The following CFTR variants were observed in gnomAD, a reference collection of about 807,000 sequenced individuals.
CFTR encodes the protein cystic fibrosis transmembrane conductance regulator.
In CFTR, 181 loss-of-function variants were observed where a neutral mutation model predicts 171.6. That is an observed-to-expected ratio of 1.05 (90% confidence interval 0.93 to 1.19). The LOEUF (loss-of-function observed/expected upper bound fraction) is 1.19. CFTR is among the 50% of genes most tolerant of loss of function. CFTR has a pLI of 0.00. For missense variants in CFTR, 1,968 were observed against 1,734.7 expected (o/e 1.13, Z -2.39); for synonymous variants, 583 against 608.0 (o/e 0.96, Z 0.60).
chr7:117,536,962 A>C (rs1798969382), intron 7 of CFTR, among the ~76,000 whole-genome samples: 2 of 152,220 alleles, frequency 1.3e-5, no homozygotes, highest in African/African-American at 4.8e-5. Context: ...TTATTTCGTT[A>C]AAACAATTAT....
chr7:117,528,451 G>A (rs1271459836), intron 3 of CFTR, among the ~76,000 whole-genome samples: 1 of 120,030 alleles, frequency 8.3e-6, no homozygotes, highest in Non-Finnish European at 1.8e-5. Flanking sequence ...GGACATAGGC[G>A]TGGGCAAGGA....
At position 117,548,736 on chromosome 7, in the gene CFTR, T is replaced by C. The variant is rs1413600554; in HGVS notation, c.1305T>C (p.Leu435=). The change falls in exon 10 of 27, where the codon CTT becomes CTC. Residue 435 remains leucine, a synonymous_variant. Transcript: ENST00000003084. The stretch of plus-strand genomic sequence containing the variant: ...GCCTCTTCTTCAGTAATTTCTCACT[T>C]CTTGGTACTCCTGTCCTGAAAGATA... ...DDSLFFSNFS[L]LGTPVLKDIN... The C allele has an allele frequency of 6.2e-6, 10 of 1,613,226 alleles. 1 individual carries two copies. In the South Asian group the frequency reaches 1.1e-4, roughly 18 times the overall value.
At chr7:117,531,697 A>G (rs536761425) in intron 4 of CFTR, among the ~76,000 whole-genome samples, 1 of 152,280 alleles carries the variant, frequency 6.6e-6, no homozygotes, top group South Asian at 2.1e-4. Context: ...ACAAGAGACC[A>G]AATTGCCGAG....
In CFTR at chr7:117,592,169, C is replaced by T. The variant is rs1800100; in HGVS notation, c.2002C>T (p.Arg668Cys). ...TTCAATCCTAACTGAGACCTTACACCGTTTCTCATTAGAAGGAGATGCTCC... is the reference window on the plus strand; with the variant it reads ...TTCAATCCTAACTGAGACCTTACACTGTTTCTCATTAGAAGGAGATGCTCC... ...RNSILTETLH[R>C]FSLEGDAPVS... Residue 668 changes from arginine (R) to cysteine (C), a missense_variant, in exon 14 of 27, where the codon CGT becomes TGT. Arg to Cys is a radical substitution (Grantham distance 180). Transcript: ENST00000003084. The T allele has an allele frequency of 8.2e-3, 13,272 of 1,613,866 alleles. 60 individuals carry two copies. Among genetic ancestry groups the T allele is most frequent in the Non-Finnish European group, 0.01 (11,807 of 1,179,958 alleles).
At chr7:117,663,812 A>T (rs1316727417) in intron 24 of CFTR, among the ~76,000 whole-genome samples, 1 of 152,188 alleles carries the variant, frequency 6.6e-6, no homozygotes, top group African/African-American at 2.4e-5. Context: ...TACACTCAGG[A>T]GTACTTGCCA....
intron 11 of CFTR, among the ~76,000 whole-genome samples, chr7:117,574,808 G>A (rs1562903093): frequency 6.6e-6 from 1 of 151,946 alleles, no homozygotes; most frequent in Admixed American, 6.6e-5. Context: ...ATATTTAGTA[G>A]CTTTTTTGTG....
At chr7:117,579,244 T>A (rs1328873505) in intron 11 of CFTR, among the ~76,000 whole-genome samples, 1 of 152,012 alleles carries the variant, frequency 6.6e-6, no homozygotes, top group Non-Finnish European at 1.5e-5. Context: ...AGAAAGATCA[T>A]AATTTTTAAT....
rs867350957 is a variant in CFTR, at chr7:117,530,234, A to G, written c.274-665A>G. ...TGGCAAAACTCCTTCCCCAAAGTCC[A>G]TTCCTATTGCTGACTGAGAAGGGAC... On this transcript the variant is annotated intron_variant, in intron 3 of 26. Coordinates refer to ENST00000003084, the MANE Select transcript of CFTR (RefSeq NM_000492.4). Among the ~76,000 whole-genome samples, 5 of 152,268 alleles carry G rather than the reference A, an allele frequency of 3.3e-5. No homozygotes were observed. The South Asian group carries it at 6.2e-4, about 19-fold the overall frequency.
chr7:117,638,992 C>T (rs1202097595), intron 22 of CFTR, among the ~76,000 whole-genome samples: 2 of 151,950 alleles, frequency 1.3e-5, no homozygotes, highest in Non-Finnish European at 2.9e-5. Flanking sequence ...CTTTAGGCTG[C>T]CCTTCTTGGG....
intron 10 of CFTR, among the ~76,000 whole-genome samples, chr7:117,549,441 G>T (rs920253544): frequency 6.6e-6 from 1 of 152,110 alleles, no homozygotes; most frequent in Admixed American, 6.6e-5. Context: ...AGAAAAAACA[G>T]CAAAAGGACC....
Position 117,513,621 on chromosome 7 carries a change from A to G in CFTR, c.273+4479A>G, listed in dbSNP as rs559782963. The stretch of plus-strand genomic sequence containing the variant: ...GTAAACTATTTTTATTTACTTCCCT[A>G]AAGAAGGGATGGTGTTCTCTCGGGA... On this transcript the variant is annotated intron_variant, in intron 3 of 26. Transcript: ENST00000003084. 4.6e-4 allele frequency among the ~76,000 whole-genome samples: 70 copies of G among 152,256 alleles called. No individual in the cohort carries two copies. The Middle Eastern group carries it at 0.01, about 22-fold the overall frequency.
intron 11 of CFTR, among the ~76,000 whole-genome samples, chr7:117,576,190 C>T (rs937338651): frequency 1.3e-5 from 2 of 152,030 alleles, no homozygotes; most frequent in East Asian, 1.9e-4. Flanking sequence ...TTCTAGGTTC[C>T]GATCTATGCA....
intron 11 of CFTR, among the ~76,000 whole-genome samples, chr7:117,569,371 C>G (rs1025557664): frequency 6.6e-6 from 1 of 151,972 alleles, no homozygotes; most frequent in Non-Finnish European, 1.5e-5. Flanking sequence ...TTGGAGAGGC[C>G]AAGTAAGATT....
intron 11 of CFTR, among the ~76,000 whole-genome samples, chr7:117,571,507 G>A (rs1215276817): frequency 2.6e-5 from 4 of 152,098 alleles, no homozygotes; most frequent in African/African-American, 9.7e-5. Context: ...AAAGCTTTCA[G>A]AAACCAGACT....
At chr7:117,561,303 G>T (rs888402015) in intron 11 of CFTR, among the ~76,000 whole-genome samples, 1 of 146,218 alleles carries the variant, frequency 6.8e-6, no homozygotes, top group Non-Finnish European at 1.5e-5. Context: ...AGAAGAGGAA[G>T]AACATCTTTT....
intron 24 of CFTR, among the ~76,000 whole-genome samples, chr7:117,660,891 G>A (rs865986669): frequency 6.6e-6 from 1 of 151,948 alleles, no homozygotes; most frequent in South Asian, 2.1e-4. Flanking sequence ...TTTCCTTTAA[G>A]GCAGAGCCTC....
At chr7:117,486,900 A>G (rs1165355048) in intron 1 of CFTR, among the ~76,000 whole-genome samples, 11 of 146,924 alleles carry the variant, frequency 7.5e-5, no homozygotes, top group Non-Finnish European at 6.0e-5. Flanking sequence ...GGGCGGGGAG[A>G]GAGAGAGAGA....
intron 21 of CFTR, among the ~76,000 whole-genome samples, chr7:117,615,447 T>C (rs896451258): frequency 1.3e-5 from 2 of 152,020 alleles, no homozygotes; most frequent in African/African-American, 4.8e-5. Context: ...TTCCTTATAT[T>C]GGGTTCTCAA....
chr7:117,651,703 T>G (rs536626404), intron 23 of CFTR, among the ~76,000 whole-genome samples: 1 of 152,258 alleles, frequency 6.6e-6, no homozygotes, highest in East Asian at 1.9e-4. Context: ...ACAACAACTT[T>G]TTCTTTAAGT....
Sources: gnomAD v4.1 joint callset for allele counts (sites outside exome capture counted in the v4.1 genomes callset) on GRCh38, gnomAD v4.1.1 for gene constraint, MANE v1.5 for transcripts, NCBI Gene and HGNC (gene_info 2026-07-23, HGNC 2026-07-21) for gene names.